The following MADD variants were observed in gnomAD, a reference collection of about 807,000 sequenced individuals.
The protein encoded by MADD is MAP kinase-activating death domain protein.
MADD carries 109 observed loss-of-function variants against 176.7 expected under a neutral mutation model. The ratio of observed to expected loss-of-function variants is 0.62; its 90% confidence interval spans 0.53 to 0.72. The LOEUF is 0.72. Among genes scored for constraint, MADD ranks in the 30% least tolerant of loss-of-function variants. The pLI is 0.00. For synonymous variants in MADD, 771 were observed against 771.3 expected (o/e 1.00, Z 0.01); for missense variants, 1,914 against 2,045.5 (o/e 0.94, Z 1.24).
intron 26 of MADD, 30 bp downstream of exon 29, chr11:47,311,872 C>T (rs7110467): frequency 7.2e-7 from 1 of 1,395,684 alleles, no homozygotes; most frequent in Non-Finnish European, 1.0e-6. Flanking sequence ...CCTTAGGCTT[C>T]CCCATGGGTC....
chr11:47,282,776 T>TGCTGCTGACTTTCTGTTCTTTTCCCTC (rs1565320976), intron 9 of MADD, 37 bp from the exon 10 acceptor site: 14 of 1,605,390 alleles, frequency 8.7e-6, no homozygotes, highest in African/African-American at 1.3e-5. Context: ...TTTTTTTCCT[T>TGCTGCTGACTTTCTGTTCTTTTCCCTC]GCTGCTGACT....
chr11:47,299,612 T>TTTA (rs1254778376), intron 22 of MADD, among the ~76,000 whole-genome samples: 1 of 56,618 alleles, frequency 1.8e-5, no homozygotes, highest in African/African-American at 1.0e-4. Flanking sequence ...TTTTTTTTTT[T>TTTA]AGATGGAACC....
rs752312722 is a variant in MADD at position 47,295,530 on chromosome 11, C to T, written c.3437C>T (p.Pro1146Leu). 16 of 1,613,878 alleles carry T rather than the reference C, an allele frequency of 9.9e-6. No individual in the cohort carries two copies. The highest frequency in any genetic ancestry group is 3.3e-5 in the South Asian group (3 of 91,074). ...CAAGACTCTGTCATCGGCGTGAGTCCAGCTGTTATGATCCGCAGCTCAAGT... is the reference window on the plus strand; with the variant it reads ...CAAGACTCTGTCATCGGCGTGAGTCTAGCTGTTATGATCCGCAGCTCAAGT... The change falls in exon 21 of 33, where the codon CCA becomes CTA. Residue 1146 changes from proline to leucine, a missense_variant. This residue lies in a region of MADD where 1,767 missense variants were observed against 1,836.0 expected (regional missense o/e 0.96). Transcript: ENST00000402192.
exon 18 of MADD, chr11:47,290,204 T>A: frequency 6.2e-7 from 1 of 1,614,172 alleles, no homozygotes; most frequent in African/African-American, 1.3e-5. Context: ...TGTACAGTCC[T>A]CAGCTTGGAG....
intron 6 of MADD, 38 bp from the exon 7 acceptor site, chr11:47,278,961 A>T: frequency 6.3e-7 from 1 of 1,578,426 alleles, no homozygotes; most frequent in South Asian, 1.1e-5. Flanking sequence ...TGAGCAATAA[A>T]CTCTAAGGTC....
At chr11:47,302,311 TC>T (rs1348184878) in intron 22 of MADD, among the ~76,000 whole-genome samples, 1 of 152,138 alleles carries the variant, frequency 6.6e-6, no homozygotes, top group Admixed American at 6.5e-5. Context: ...CCTCCTGGGT[TC>T]AAGCGATTCT....
Position 47,284,531 on chromosome 11 carries a change from G to A in MADD, c.2123G>A (p.Ser708Asn), listed in dbSNP as rs1332677653. ...TCCAGCTCTAGCACCACAGCCAGCA[G>A]CAGCCCCAGCACTGTCATCCACGGA... Residue 708 changes from serine to asparagine, a missense_variant, in exon 12 of 33, where the codon AGC becomes AAC. This residue lies in a region of MADD where 1,767 missense variants were observed against 1,836.0 expected (regional missense o/e 0.96). Transcript: ENST00000402192. 11 of 1,613,976 alleles carry A rather than the reference G, an allele frequency of 6.8e-6. No homozygotes were observed. Among genetic ancestry groups the A allele is most frequent in the African/African-American group, 1.3e-5 (1 of 74,916 alleles).
At chr11:47,328,006 T>C in intron 31 of MADD, 1 of 987,932 alleles carries the variant, frequency 1.0e-6, no homozygotes, top group Non-Finnish European at 1.2e-6. Flanking sequence ...CCCTGGGTGC[T>C]GTACTCGCCT....
exon 9 of MADD, chr11:47,282,518 C>A (rs959030992): frequency 6.2e-7 from 1 of 1,614,104 alleles, no homozygotes; most frequent in Non-Finnish European, 8.5e-7. Flanking sequence ...CCCCGGCAGA[C>A]TCCTTTTGCC....
chr11:47,296,125 G>A lies in MADD; in HGVS notation c.3642+70G>A, dbSNP rs2071480199. 3.9e-6 allele frequency: 6 copies of A among 1,543,084 alleles called. No individual in the cohort carries two copies. The Admixed American group carries it at 1.1e-4, about 28-fold the overall frequency. On this transcript the variant is annotated intron_variant, in intron 22 of 32. Coordinates refer to ENST00000402192, the Ensembl canonical transcript of MADD. ...GGAGGGAAGCAGGCAAGAAAAGAAT[G>A]AAAGTTAAGAGACGCTAAAGAGGTA...
Position 47,284,584 on chromosome 11 carries a change from A to T in MADD, c.2157+19A>T. 1 of 1,610,990 alleles carries T rather than the reference A, an allele frequency of 6.2e-7. No individual in the cohort carries two copies. The highest frequency in any genetic ancestry group is 1.7e-5 in the Admixed American group (1 of 59,660). On this transcript the variant is annotated intron_variant, in intron 12 of 32. Coordinates refer to ENST00000402192, the Ensembl canonical transcript of MADD. ...CAACTCTGTAAGTGAGGAGCGGTGG[A>T]TGAGTGAGAACCATGGCCTGGGATG...
chr11:47,308,615 A>G (rs1205331634), exon 23 of MADD: 2 of 1,613,904 alleles, frequency 1.2e-6, no homozygotes, highest in Non-Finnish European at 1.7e-6. Context: ...CTTGAAGCCA[A>G]GCATAAAGGA....
Position 47,328,710 on chromosome 11 carries a change from T to C in MADD, c.4659+6T>C. 2 of 1,614,152 alleles carry C rather than the reference T, an allele frequency of 1.2e-6. No individual in the cohort carries two copies. Among genetic ancestry groups the C allele is most frequent in the Non-Finnish European group, 1.7e-6 (2 of 1,180,010 alleles). ...ACAAGTACAAGACACCAATGGTGAG[T>C]GTGCCGCTCAACCCTGATGGGCCAC... is the stretch of plus-strand genomic sequence containing the variant. On this transcript the variant is annotated splice_donor_region_variant and intron_variant, in intron 32 of 32. Transcript: ENST00000402192.
intron 23 of MADD, 87 bp downstream of exon 25, chr11:47,308,786 T>C: frequency 8.5e-7 from 1 of 1,181,718 alleles, no homozygotes; most frequent in Non-Finnish European, 1.2e-6. Context: ...TAGCTGGTTG[T>C]CTTTCTGCTG....
exon 19 of MADD, chr11:47,290,677 A>C: frequency 6.2e-7 from 1 of 1,614,166 alleles, no homozygotes; most frequent in Non-Finnish European, 8.5e-7. Flanking sequence ...ATCCTGGCCT[A>C]GCTGGGCGGG....
In MADD at chr11:47,279,055, A is replaced by G. The variant is rs764005644; in HGVS notation, c.1266A>G (p.Leu422=). Residue 422 remains leucine, a synonymous_variant, in exon 7 of 33, where the codon CTA becomes CTG. Coordinates refer to ENST00000402192, the Ensembl canonical transcript of MADD. Reference sequence around the variant, plus strand: ...CTATCCTGCCAGAACCAGAATCACTAGAGCTGAAAAAGCATTTAAAGCAGG... The same window carrying G: ...CTATCCTGCCAGAACCAGAATCACTGGAGCTGAAAAAGCATTTAAAGCAGG... 6.8e-6 allele frequency: 11 copies of G among 1,613,958 alleles called. No homozygotes were observed. In the African/African-American group the frequency reaches 9.3e-5, roughly 14 times the overall value.
At chr11:47,327,903 A>G in intron 31 of MADD, 2 of 985,166 alleles carry the variant, frequency 2.0e-6, no homozygotes, top group East Asian at 2.3e-4. Flanking sequence ...GCCAAGCAGA[A>G]CCCCTGCATG....
At chr11:47,330,026 A>G (rs1348758419) in exon 33 of MADD, 3 of 152,512 alleles carry the variant, frequency 2.0e-5, no homozygotes, top group South Asian at 2.1e-4. Context: ...AATGTCCTCA[A>G]CTCCCTTCAG....
intron 22 of MADD, among the ~76,000 whole-genome samples, chr11:47,303,888 G>A (rs565988396): frequency 9.2e-5 from 14 of 152,232 alleles, no homozygotes; most frequent in South Asian, 2.1e-4. Context: ...GATTACAGGC[G>A]TGAGCCACCG....
Sources: gnomAD v4.1 joint callset for allele counts (sites outside exome capture counted in the v4.1 genomes callset) on GRCh38, gnomAD v4.1.1 for gene constraint, gnomAD v4.1.1 regional missense constraint, MANE v1.5 for transcripts, NCBI Gene and HGNC (gene_info 2026-07-23, HGNC 2026-07-21) for gene names.